Variants in PCDH15 observed in about 807,000 individuals in gnomAD.
The protein encoded by PCDH15 is protocadherin-15.
Under a neutral mutation model 178.5 loss-of-function variants are expected in PCDH15, and 129 were observed. That is an observed-to-expected ratio of 0.72 (90% CI 0.63 to 0.84). The LOEUF is 0.84. Among genes scored for constraint, PCDH15 ranks in the 40% least tolerant of loss-of-function variants. PCDH15 has a pLI of 0.00. For synonymous variants in PCDH15, 800 were observed against 732.0 expected, an observed-to-expected ratio of 1.09 and a Z score of -1.50; for missense variants, 2,230 against 2,099.9, an observed-to-expected ratio of 1.06 and a Z score of -1.21.
intron 7 of PCDH15, among the ~76,000 whole-genome samples, chr10:54,318,709 C>T (rs1185969430): frequency 6.6e-6 from 1 of 152,114 alleles, no homozygotes; most frequent in Non-Finnish European, 1.5e-5. Flanking sequence ...CAGAATGTCC[C>T]TTAATGGGTG....
chr10:55,406,969 C>T (rs1014808099), intron 2 of PCDH15, among the ~76,000 whole-genome samples: 3 of 152,060 alleles, frequency 2.0e-5, no homozygotes, highest in Non-Finnish European at 2.9e-5. Flanking sequence ...TAGTGATACA[C>T]GATGCCAAAT....
chr10:55,412,211 G>A (rs182623819), intron 2 of PCDH15, among the ~76,000 whole-genome samples: 65 of 152,080 alleles, frequency 4.3e-4, no homozygotes, highest in African/African-American at 1.6e-3. Flanking sequence ...CTGTATCTGG[G>A]TCTCTCACTG....
intron 18 of PCDH15, among the ~76,000 whole-genome samples, chr10:54,053,075 A>G (rs974224834): frequency 1.3e-5 from 2 of 152,172 alleles, no homozygotes; most frequent in Non-Finnish European, 2.9e-5. Context: ...TCCCCAGTCT[A>G]AGGTGTGTCT....
Position 54,907,445 on chromosome 10 carries a change from C to A in PCDH15, c.-79-9945G>T, listed in dbSNP as rs1341176805. On this transcript the variant is annotated intron_variant, in intron 2 of 5. Transcript: ENST00000458638. ...TTTTTACTGTTGACAATTATTTCTT[C>A]CACAATGCAGTGTCATGTGATGAAG... Among the ~76,000 whole-genome samples the A allele has an allele frequency of 5.9e-5, 9 of 152,158 alleles. 1 individual carries two copies. Among genetic ancestry groups the A allele is most frequent in the Non-Finnish European group, 1.2e-4 (8 of 68,018 alleles).
chr10:53,951,244 G>GT (rs2087003309), intron 23 of PCDH15, among the ~76,000 whole-genome samples: 1 of 152,102 alleles, frequency 6.6e-6, no homozygotes, highest in Non-Finnish European at 1.5e-5. Context: ...CACTTGAATG[G>GT]TTAAAAAATC....
intron 2 of PCDH15, among the ~76,000 whole-genome samples, chr10:55,332,624 G>T (rs1844232353): frequency 6.6e-6 from 1 of 152,132 alleles, no homozygotes; most frequent in Non-Finnish European, 1.5e-5. Context: ...TTGAACTGTA[G>T]CTCCCACAAT....
chr10:54,085,639 T>G (rs2094503498), intron 16 of PCDH15, among the ~76,000 whole-genome samples: 1 of 152,174 alleles, frequency 6.6e-6, no homozygotes, highest in Non-Finnish European at 1.5e-5. Context: ...TACATGACAC[T>G]GAATGATTTG....
intron 2 of PCDH15, among the ~76,000 whole-genome samples, chr10:54,657,199 T>C (rs1193709841): frequency 6.6e-6 from 1 of 152,196 alleles, no homozygotes; most frequent in Non-Finnish European, 1.5e-5. Flanking sequence ...AAGGACAATG[T>C]ATATTTAAAC....
intron 2 of PCDH15, among the ~76,000 whole-genome samples, chr10:54,626,537 G>A (rs773257734): frequency 3.3e-5 from 5 of 152,178 alleles, no homozygotes; most frequent in African/African-American, 9.6e-5. Flanking sequence ...CAGTTTCCAC[G>A]TGGTGTTGAG....
rs116519089 is a variant in PCDH15, at chr10:54,971,240, C to T, written c.-79-73740G>A. ...AAGGCAATAGTTTTAAGAGGTGGGGCCTTGAGGAGGTTCTTAGGTTATGAG... is the reference window on the plus strand; with the variant it reads ...AAGGCAATAGTTTTAAGAGGTGGGGTCTTGAGGAGGTTCTTAGGTTATGAG... On this transcript the variant is annotated intron_variant, in intron 2 of 5. Coordinates refer to the PCDH15 transcript ENST00000458638. Among the ~76,000 whole-genome samples the T allele has an allele frequency of 4.6e-3, 697 of 152,120 alleles. 3 individuals carry two copies. Among genetic ancestry groups the T allele is most frequent in the African/African-American group, 0.016 (676 of 41,508 alleles).
chr10:55,283,637 T>G (rs1842792096), intron 1 of PCDH15, among the ~76,000 whole-genome samples: 1 of 151,240 alleles, frequency 6.6e-6, no homozygotes. Flanking sequence ...ATCCAGTCAC[T>G]ATTAAGTACT....
chr10:55,019,557 C>T (rs942248189), intron 2 of PCDH15, among the ~76,000 whole-genome samples: 5 of 151,990 alleles, frequency 3.3e-5, no homozygotes, highest in African/African-American at 1.2e-4. Flanking sequence ...GCCATCTGGC[C>T]CTCTTCATGT....
intron 3 of PCDH15, among the ~76,000 whole-genome samples, chr10:54,511,469 T>C (rs1178864808): frequency 6.6e-6 from 1 of 152,150 alleles, no homozygotes; most frequent in African/African-American, 2.4e-5. Context: ...ACTTCACAGA[T>C]TGCTACAACA....
At chr10:54,328,232 T>C in intron 7 of PCDH15, among the ~76,000 whole-genome samples, 1 of 152,026 alleles carries the variant, frequency 6.6e-6, no homozygotes, top group East Asian at 1.9e-4. Flanking sequence ...ATTGGAATCA[T>C]CCAGTATGTA....
chr10:53,808,328 GTGTATATATATATA>G (rs2075734473), intron 37 of PCDH15: 9 of 323,110 alleles, frequency 2.8e-5, no homozygotes, highest in Non-Finnish European at 3.3e-5. Flanking sequence ...TAGTGTGTGT[GTGTATATATATATA>G]TATATATATA....
At chr10:54,706,705 C>T (rs1423496896) in intron 1 of PCDH15, among the ~76,000 whole-genome samples, 2 of 152,126 alleles carry the variant, frequency 1.3e-5, no homozygotes, top group Non-Finnish European at 2.9e-5. Flanking sequence ...CTCATTGCAA[C>T]GTCCGCCTCC....
In PCDH15 at chr10:55,599,758, C is replaced by T. The variant is rs139521132; in HGVS notation, c.-156+27867G>A. On this transcript the variant is annotated intron_variant, in intron 2 of 5. Transcript: ENST00000613346. ...AAAAGGAACTCGGCACATTTCACCC[C>T]ATCTCTCTACCAAAAACATCACCCC... 2.3e-4 allele frequency: 95 copies of T among 420,832 alleles called. 1 individual carries two copies. The East Asian group carries it at 3.3e-3, about 15-fold the overall frequency. 26.1% of individuals were successfully genotyped at this position (420,832 alleles called of 1,614,324 possible).
chr10:54,098,009 C>A (rs1802398453), intron 15 of PCDH15, among the ~76,000 whole-genome samples: 1 of 152,052 alleles, frequency 6.6e-6, no homozygotes, highest in Non-Finnish European at 1.5e-5. Context: ...TGACTGGGAG[C>A]CTAACTTTAA....
intron 2 of PCDH15, among the ~76,000 whole-genome samples, chr10:55,624,333 A>G (rs1321216050): frequency 6.6e-6 from 1 of 152,026 alleles, no homozygotes; most frequent in Non-Finnish European, 1.5e-5. Flanking sequence ...ATAAGCTTAT[A>G]ATTCACATTA....
Sources: gnomAD v4.1 joint callset for allele counts (sites outside exome capture counted in the v4.1 genomes callset) on GRCh38, gnomAD v4.1.1 for gene constraint, MANE v1.5 for transcripts, NCBI Gene and HGNC (gene_info 2026-07-23, HGNC 2026-07-21) for gene names.